Variants in ANO10 observed in about 807,000 individuals in gnomAD.
The protein encoded by ANO10 is anoctamin 10.
ANO10 carries 77 observed loss-of-function variants against 74.7 expected under a neutral mutation model. The ratio of observed to expected loss-of-function variants is 1.03; its 90% CI spans 0.86 to 1.25. ANO10 has a LOEUF of 1.25. Ranked by LOEUF, ANO10 falls within the 50% of genes most tolerant of loss-of-function variation. The pLI, the probability that ANO10 is intolerant of heterozygous loss-of-function variation, is 0.00. For missense variants in ANO10, 721 were observed against 778.1 expected (o/e 0.93, Z 0.87); for synonymous variants, 279 against 284.9 (o/e 0.98, Z 0.21).
chr3:43,485,477 T>C (rs2076441636), intron 11 of ANO10, among the ~76,000 whole-genome samples: 1 of 152,172 alleles, frequency 6.6e-6, no homozygotes, highest in Non-Finnish European at 1.5e-5. Context: ...CCACGACTTC[T>C]AATAGAGCTA....
intron 1 of ANO10, among the ~76,000 whole-genome samples, chr3:43,614,771 C>CTCTATATA (rs1284004071): frequency 1.9e-5 from 1 of 52,700 alleles, no homozygotes; most frequent in African/African-American, 4.9e-5. Context: ...GAAAACTAAA[C>CTCTATATA]TATATATATA....
chr3:43,486,301 G>C (rs150394434), intron 11 of ANO10, among the ~76,000 whole-genome samples: 1,743 of 152,186 alleles, frequency 0.011, 12 homozygotes, highest in Middle Eastern at 0.017. Flanking sequence ...TCTGTTTTTG[G>C]TTCCATATGA....
intron 2 of ANO10, among the ~76,000 whole-genome samples, chr3:43,604,011 C>T (rs1369210448): frequency 2.0e-5 from 3 of 152,110 alleles, no homozygotes; most frequent in Non-Finnish European, 4.4e-5. Flanking sequence ...ATGCATCTGA[C>T]CATCTCCAGA....
intron 1 of ANO10, among the ~76,000 whole-genome samples, chr3:43,645,148 A>T (rs1487099313): frequency 6.6e-6 from 1 of 152,204 alleles, no homozygotes; most frequent in Non-Finnish European, 1.5e-5. Context: ...ATTTATCTTG[A>T]TTATCCTCCT....
intron 11 of ANO10, among the ~76,000 whole-genome samples, chr3:43,460,123 T>C (rs1017249278): frequency 7.9e-5 from 12 of 152,096 alleles, no homozygotes; most frequent in African/African-American, 2.9e-4. Context: ...ATAGGAAAAG[T>C]CTGTAAATTT....
intron 1 of ANO10, among the ~76,000 whole-genome samples, chr3:43,607,651 A>C (rs1010413557): frequency 1.4e-4 from 22 of 152,364 alleles, no homozygotes; most frequent in African/African-American, 5.3e-4. Flanking sequence ...CATCTCAATC[A>C]GGAGAAAAGT....
chr3:43,642,713 T>G (rs1454983454), intron 1 of ANO10, among the ~76,000 whole-genome samples: 4 of 152,128 alleles, frequency 2.6e-5, no homozygotes, highest in Non-Finnish European at 5.9e-5. Flanking sequence ...TATTGCTTCT[T>G]TTTGCAAATA....
intron 9 of ANO10, among the ~76,000 whole-genome samples, chr3:43,560,225 C>G (rs1439934586): frequency 6.6e-6 from 1 of 152,198 alleles, no homozygotes; most frequent in African/African-American, 2.4e-5. Context: ...GTGACCAGAT[C>G]TATAAAATCC....
At chr3:43,588,938 T>C (rs1559746576) in intron 4 of ANO10, among the ~76,000 whole-genome samples, 1 of 152,180 alleles carries the variant, frequency 6.6e-6, no homozygotes, top group Non-Finnish European at 1.5e-5. Context: ...GATCTAGAGC[T>C]ATGATGGATC....
At position 43,555,475 on chromosome 3, in the gene ANO10, A is replaced by T. The variant is rs1247248173; in HGVS notation, c.1477-6T>A. 2 of 1,613,624 alleles carry T rather than the reference A, an allele frequency of 1.2e-6. No individual in the cohort carries two copies. The highest frequency in any genetic ancestry group is 2.7e-5 in the African/African-American group (2 of 74,896). Reference sequence around the variant, plus strand: ...AAGTAATCATCAAAGGTGCCCTGAAAATATAAACAAGCATGCATTATTTTA... The same window carrying T: ...AAGTAATCATCAAAGGTGCCCTGAATATATAAACAAGCATGCATTATTTTA... On this transcript the variant is annotated splice_region_variant and splice_polypyrimidine_tract_variant and intron_variant, in intron 9 of 12. Transcript: ENST00000292246.
chr3:43,413,408 G>A (rs1015038102), intron 12 of ANO10, among the ~76,000 whole-genome samples: 3 of 151,880 alleles, frequency 2.0e-5, no homozygotes, highest in Non-Finnish European at 2.9e-5. Context: ...CTAATGGCTC[G>A]GTGCTGTCCT....
intron 1 of ANO10, among the ~76,000 whole-genome samples, chr3:43,617,711 T>A (rs140035876): frequency 6.6e-6 from 1 of 152,134 alleles, no homozygotes; most frequent in Non-Finnish European, 1.5e-5. Context: ...GGATTATTCT[T>A]TTCCTGAATT....
At position 43,643,687 on chromosome 3, in the gene ANO10, T is replaced by C. The variant is rs545997966; in HGVS notation, c.-11-37824A>G. On this transcript the variant is annotated intron_variant, in intron 1 of 3. Coordinates refer to the ANO10 transcript ENST00000413397. ...ATGTACTTGTCCTCATCTTTTCTTT[T>C]TTTTTTTTTTTTTTTAGATGGAGTC... 5.0e-3 allele frequency among the ~76,000 whole-genome samples: 729 copies of C among 147,120 alleles called. 6 individuals carry two copies. The highest frequency in any genetic ancestry group is 8.2e-3 in the Non-Finnish European group (548 of 66,956).
At chr3:43,604,544 A>AT (rs2082476954) in intron 2 of ANO10, among the ~76,000 whole-genome samples, 1 of 147,806 alleles carries the variant, frequency 6.8e-6, no homozygotes, top group African/African-American at 2.5e-5. Context: ...TCTTTTATAT[A>AT]TTTTTTAACC....
At chr3:43,472,711 C>G (rs754402086) in intron 11 of ANO10, 5 of 151,950 alleles carry the variant, frequency 3.3e-5, no homozygotes, top group Non-Finnish European at 7.4e-5. Flanking sequence ...TTTTGGAAGA[C>G]AATTGGGGAA....
chr3:43,495,769 C>T (rs554499959), intron 11 of ANO10, among the ~76,000 whole-genome samples: 18 of 152,016 alleles, frequency 1.2e-4, no homozygotes, highest in Non-Finnish European at 1.9e-4. Flanking sequence ...GGCGCAATCT[C>T]GGCTCACTGC....
At chr3:43,484,469 A>G (rs1471803455) in intron 11 of ANO10, among the ~76,000 whole-genome samples, 1 of 152,194 alleles carries the variant, frequency 6.6e-6, no homozygotes, top group South Asian at 2.1e-4. Context: ...AATTCCCCCC[A>G]CAAGAGACAG....
intron 7 of ANO10, among the ~76,000 whole-genome samples, chr3:43,571,370 A>G (rs2080705969): frequency 6.6e-6 from 1 of 151,992 alleles, no homozygotes; most frequent in African/African-American, 2.4e-5. Flanking sequence ...ATGCTGCTAT[A>G]AAGACACATG....
At chr3:43,564,884 G>A (rs1229842335) in intron 8 of ANO10, among the ~76,000 whole-genome samples, 2 of 152,250 alleles carry the variant, frequency 1.3e-5, no homozygotes, top group East Asian at 3.9e-4. Flanking sequence ...CTTCTGCTAA[G>A]TAAAGGAGAC....
Sources: gnomAD v4.1 joint callset for allele counts (sites outside exome capture counted in the v4.1 genomes callset) on GRCh38, gnomAD v4.1.1 for gene constraint, MANE v1.5 for transcripts, NCBI Gene and HGNC (gene_info 2026-07-23, HGNC 2026-07-21) for gene names.